ADGRE1: variants seen among roughly 807,000 people sequenced by gnomAD.
ADGRE1 encodes EGF-like module receptor 1.
ADGRE1 carries 82 observed loss-of-function variants against 102.7 expected under a neutral mutation model. The observed-to-expected ratio is 0.80, with a 90% CI of 0.67 to 0.96. The LOEUF (loss-of-function observed/expected upper bound fraction) is 0.96, where lower values mean the gene tolerates loss of function less well. Ranked by LOEUF, ADGRE1 falls within the 40% of genes least tolerant of loss-of-function variation. ADGRE1 has a pLI of 0.00. For synonymous variants in ADGRE1, 398 were observed against 399.6 expected (o/e 1.00, Z 0.05); for missense variants, 1,032 against 1,085.3 (o/e 0.95, Z 0.69).
rs760203726 is a variant in ADGRE1, at chr19:6,890,526, G to A, written c.77G>A (p.Arg26Gln). 1.2e-5 allele frequency: 19 copies of A among 1,605,260 alleles called. 1 individual carries two copies. Among genetic ancestry groups the A allele is most frequent in the South Asian group, 6.6e-5 (6 of 90,806 alleles). Residue 26 changes from arginine (R) to glutamine (Q), a missense_variant, in exon 2 of 21, where the codon CGG (arginine) becomes CAG (glutamine). Coordinates refer to ENST00000312053, the MANE Select transcript of ADGRE1 (RefSeq NM_001974.5). The stretch of plus-strand genomic sequence containing the variant: ...TGGGAAGGGCACATAAGACCCACAC[G>A]GAAACCAAACACAAAGGGTAAGTTG... The part of the protein sequence containing the change: ...HSWEGHIRPT[R>Q]KPNTKGNNCR...
Position 6,911,843 on chromosome 19 carries a change from C to A in ADGRE1, c.1123-1810C>A, listed in dbSNP as rs111211944. On this transcript the variant is annotated intron_variant, in intron 10 of 20. Transcript: ENST00000312053. ...ACATACAAATGCATACACACACACC[C>A]CACACACATTTACACACATACACAC... Among the ~76,000 whole-genome samples, 290 of 149,800 alleles carry A rather than the reference C, an allele frequency of 1.9e-3. 2 individuals are homozygous for A. Among genetic ancestry groups the A allele is most frequent in the South Asian group, 0.011 (54 of 4,704 alleles).
chr19:6,916,138 A>G (rs964126399), intron 11 of ADGRE1, 111 bp from the exon 12 acceptor site: 54 of 1,253,052 alleles, frequency 4.3e-5, no homozygotes, highest in Non-Finnish European at 5.0e-5. Flanking sequence ...TGAACTTTCT[A>G]TTCTTTTCCT....
Position 6,908,054 on chromosome 19 carries a change from G to C in ADGRE1, c.1039-635G>C, listed in dbSNP as rs144008008. Among the ~76,000 whole-genome samples the C allele has an allele frequency of 5.4e-3, 824 of 152,358 alleles. 3 individuals are homozygous for C. The highest frequency in any genetic ancestry group is 7.5e-3 in the Non-Finnish European group (513 of 68,032). On this transcript the variant is annotated intron_variant, in intron 9 of 20. Transcript: ENST00000312053. ...GCCATAATGCCCACACTGGAAGGTTGTGGGTTTACCGGAATGAGGGCAAGG... is the reference window on the plus strand; with the variant it reads ...GCCATAATGCCCACACTGGAAGGTTCTGGGTTTACCGGAATGAGGGCAAGG...
chr19:6,888,033 A>G (rs1046055571), intron 1 of ADGRE1, among the ~76,000 whole-genome samples: 4 of 152,212 alleles, frequency 2.6e-5, no homozygotes, highest in Non-Finnish European at 5.9e-5. Context: ...CATAGAGTGT[A>G]TCCAATTGTC....
At chr19:6,889,429 G>A (rs767298056) in intron 1 of ADGRE1, among the ~76,000 whole-genome samples, 1 of 151,998 alleles carries the variant, frequency 6.6e-6, no homozygotes, top group South Asian at 2.1e-4. Context: ...AGTGGCTCAC[G>A]CTTGTAATCC....
Position 6,935,081 on chromosome 19 carries a change from A to G in ADGRE1, c.2381+3A>G, listed in dbSNP as rs780611516. The G allele has an allele frequency of 1.9e-6, 3 of 1,562,850 alleles. No individual in the cohort carries two copies. The African/African-American group carries it at 4.4e-5, about 23-fold the overall frequency. ...GTCTCAACGCTAAAAGACACCAGGT[A>G]AAGCCCTCTTTCACCTCCCCCCCTC... is the stretch of plus-strand genomic sequence containing the variant. On this transcript the variant is annotated splice_donor_region_variant and intron_variant, in intron 18 of 20. Transcript: ENST00000312053.
chr19:6,897,755 C>G, intron 5 of ADGRE1: 1 of 404,176 alleles, frequency 2.5e-6, no homozygotes, highest in Middle Eastern at 7.3e-4. Context: ...CTCTTGTAGC[C>G]AGCACATGGT....
intron 11 of ADGRE1, among the ~76,000 whole-genome samples, chr19:6,915,597 C>T (rs1035379381): frequency 2.0e-5 from 3 of 152,008 alleles, no homozygotes; most frequent in African/African-American, 7.2e-5. Context: ...TAGGCTTGCC[C>T]CAATCCCTTA....
rs777976095 is a variant in ADGRE1, at chr19:6,937,420, C to T, written c.2550+9C>T. On this transcript the variant is annotated intron_variant, in intron 19 of 20. Coordinates refer to ENST00000312053, the MANE Select transcript of ADGRE1 (RefSeq NM_001974.5). ...GTCTGCTCAACGGCCAGGTGTGTAG[C>T]TGCTGCCCTCCCCATCCCCCTCCTC... 3.7e-6 allele frequency: 6 copies of T among 1,611,496 alleles called. No individual in the cohort carries two copies. The highest frequency in any genetic ancestry group is 1.7e-5 in the Admixed American group (1 of 59,908).
At chr19:6,933,385 C>CT (rs34493324) in intron 17 of ADGRE1, among the ~76,000 whole-genome samples, 7,301 of 129,830 alleles carry the variant, frequency 0.056, 373 homozygotes, top group African/African-American at 0.12. Flanking sequence ...AGTGTGAAGA[C>CT]TTTTTTTTTT....
chr19:6,925,568 G>C (rs1001382185), intron 15 of ADGRE1, among the ~76,000 whole-genome samples: 6 of 152,176 alleles, frequency 3.9e-5, no homozygotes, highest in Admixed American at 3.3e-4. Context: ...TAGGGATACT[G>C]CTAAGTATCT....
chr19:6,937,720 C>A, intron 20 of ADGRE1, 72 bp downstream of exon 20: 3 of 1,426,212 alleles, frequency 2.1e-6, no homozygotes, highest in South Asian at 1.2e-5. Context: ...CTCAGCTCTG[C>A]CACGTGTTGG....
rs8100485 is a variant in ADGRE1 at position 6,938,167 on chromosome 19, A to T, written c.2655+519A>T. Among the ~76,000 whole-genome samples, 722 of 151,718 alleles carry T rather than the reference A, an allele frequency of 4.8e-3. 8 individuals are homozygous for T. Among genetic ancestry groups the T allele is most frequent in the African/African-American group, 0.015 (633 of 41,352 alleles). ...ACCTGGCCAACATGGCAAAACCCCC[A>T]TCTCTATTAAAAATACAAAATTAGC... On this transcript the variant is annotated intron_variant, in intron 20 of 20. Coordinates refer to ENST00000312053, the MANE Select transcript of ADGRE1 (RefSeq NM_001974.5).
At chr19:6,927,772 C>A (rs1974981116) in intron 16 of ADGRE1, among the ~76,000 whole-genome samples, 1 of 152,120 alleles carries the variant, frequency 6.6e-6, no homozygotes, top group African/African-American at 2.4e-5. Flanking sequence ...AGCGATTCTC[C>A]TATCTCAGCC....
chr19:6,912,875 A>G (rs527558312), intron 10 of ADGRE1, among the ~76,000 whole-genome samples: 79 of 152,358 alleles, frequency 5.2e-4, no homozygotes, highest in African/African-American at 1.9e-3. Flanking sequence ...TGCAATTTAC[A>G]TGGCTATGGG....
At chr19:6,897,669 A>G (rs1973614205) in intron 5 of ADGRE1, 122 bp downstream of exon 5, 1 of 1,063,886 alleles carries the variant, frequency 9.4e-7, no homozygotes. Flanking sequence ...TCAGAGAGGT[A>G]AAAATATATA....
At chr19:6,901,574 CA>C (rs1304213660) in intron 5 of ADGRE1, among the ~76,000 whole-genome samples, 1 of 152,180 alleles carries the variant, frequency 6.6e-6, no homozygotes, top group African/African-American at 2.4e-5. Flanking sequence ...GGTGTAAATA[CA>C]GAGAGAAGTA....
intron 16 of ADGRE1, 50 bp downstream of exon 16, chr19:6,926,651 G>A (rs367649874): frequency 1.3e-6 from 2 of 1,573,788 alleles, no homozygotes; most frequent in African/African-American, 1.4e-5. Context: ...AGGGCTTATG[G>A]TGATAATGAC....
At chr19:6,937,928 CAT>C (rs747805466) in intron 20 of ADGRE1, among the ~76,000 whole-genome samples, 10 of 151,658 alleles carry the variant, frequency 6.6e-5, no homozygotes, top group East Asian at 1.9e-4. Flanking sequence ...AATTATGTAA[CAT>C]ATTAAAAATA....
Sources: gnomAD v4.1 joint callset for allele counts (sites outside exome capture counted in the v4.1 genomes callset) on GRCh38, gnomAD v4.1.1 for gene constraint, MANE v1.5 for transcripts, NCBI Gene and HGNC (gene_info 2026-07-23, HGNC 2026-07-21) for gene names.